DSG2: variants seen among roughly 807,000 people sequenced by gnomAD.
DSG2 encodes the protein desmoglein 2.
Under a neutral mutation model 75.6 loss-of-function variants are expected in DSG2, and 45 were observed. That is an observed-to-expected ratio of 0.60 (90% CI 0.47 to 0.76). DSG2 has a LOEUF of 0.76. DSG2 is among the 30% of genes least tolerant of loss of function. The pLI, the probability that DSG2 is intolerant of heterozygous loss-of-function variation, is 0.00. For synonymous variants in DSG2, 429 were observed against 483.9 expected (o/e 0.89, Z 1.49); for missense variants, 1,267 against 1,357.4 (o/e 0.93, Z 1.05).
chr18:31,521,162 A>G lies in DSG2; in HGVS notation c.442A>G (p.Lys148Glu), dbSNP rs1274448002. Reference protein sequence around the residue: ...NVEKPLELRIKVLDINDNEPV... With the variant: ...NVEKPLELRIEVLDINDNEPV... The stretch of plus-strand genomic sequence containing the variant: ...AGAGAAACCCTTAGAGCTACGCATT[A>G]AGGTTCTTGATATCAATGACAACGA... Residue 148 changes from lysine (K) to glutamate (E), a missense_variant, in exon 5 of 15, where the codon AAG (lysine) becomes GAG (glutamate). By Grantham distance (56) the Lys-to-Glu change is moderately conservative. Transcript: ENST00000261590. 2 of 1,613,990 alleles carry G rather than the reference A, an allele frequency of 1.2e-6. No individual in the cohort carries two copies. The highest frequency in any genetic ancestry group is 2.2e-5 in the South Asian group (2 of 91,076).
intron 8 of DSG2, among the ~76,000 whole-genome samples, chr18:31,528,387 T>C (rs193009905): frequency 4.6e-5 from 7 of 152,284 alleles, no homozygotes; most frequent in Non-Finnish European, 7.4e-5. Context: ...GAAGTACTGA[T>C]ACAAGCTACA....
In DSG2 at chr18:31,498,206, G is replaced by A; in HGVS notation, c.-46G>A. Reference sequence around the variant, plus strand: ...AGCCGAGTGCGCGCTCGGGGCAGGCGGCGGCGCGGAGCGGTGCGGCGGCGG... The same window carrying A: ...AGCCGAGTGCGCGCTCGGGGCAGGCAGCGGCGCGGAGCGGTGCGGCGGCGG... On this transcript the variant is annotated 5_prime_UTR_variant, in exon 1 of 15. Transcript: ENST00000261590. 8.1e-7 allele frequency: 1 copy of A among 1,235,348 alleles called. No homozygotes were observed. The highest frequency in any genetic ancestry group is 1.0e-6 in the Non-Finnish European group (1 of 986,522). 76.5% of individuals were successfully genotyped at this position (1,235,348 alleles called of 1,614,324 possible).
chr18:31,505,811 G>A (rs1274515862), intron 1 of DSG2, among the ~76,000 whole-genome samples: 4 of 151,774 alleles, frequency 2.6e-5, no homozygotes, highest in African/African-American at 9.7e-5. Context: ...ACAGGTGCAC[G>A]CCACCACGCC....
At chr18:31,545,208 A>AGTT (rs1173058999) in intron 14 of DSG2, among the ~76,000 whole-genome samples, 1 of 152,200 alleles carries the variant, frequency 6.6e-6, no homozygotes, top group Non-Finnish European at 1.5e-5. Flanking sequence ...GTAATTTCAA[A>AGTT]GTTATCAGAA....
intron 1 of DSG2, among the ~76,000 whole-genome samples, chr18:31,502,394 G>A (rs899582763): frequency 1.3e-5 from 2 of 152,166 alleles, no homozygotes; most frequent in Admixed American, 6.5e-5. Context: ...AAATTTACAT[G>A]GGAAAAATTA....
intron 5 of DSG2, 116 bp from the exon 6 acceptor site, chr18:31,521,967 T>G (rs1027231983): frequency 1.1e-6 from 1 of 895,188 alleles, no homozygotes. Flanking sequence ...CAACTGTATG[T>G]GATTTTGATA....
Position 31,542,515 on chromosome 18 carries a change from C to T in DSG2, c.2002-5C>T. On this transcript the variant is annotated splice_polypyrimidine_tract_variant and splice_region_variant and intron_variant, in intron 13 of 14. Coordinates refer to ENST00000261590, the MANE Select transcript of DSG2 (RefSeq NM_001943.5). The stretch of plus-strand genomic sequence containing the variant: ...CTCAGTTCTCAGCTGTGTTTGCTCT[C>T]ACAGGTGGTGCCATCATTTCTGCCA... 1.2e-6 allele frequency: 2 copies of T among 1,613,728 alleles called. No individual in the cohort carries two copies. Among genetic ancestry groups the T allele is most frequent in the South Asian group, 1.1e-5 (1 of 91,052 alleles).
chr18:31,523,343 G>A (rs527659047), intron 6 of DSG2, among the ~76,000 whole-genome samples: 1 of 152,278 alleles, frequency 6.6e-6, no homozygotes, highest in Admixed American at 6.5e-5. Context: ...AGAGCTTGCA[G>A]TGAGCTGAGA....
At chr18:31,537,405 G>T (rs968105763) in intron 11 of DSG2, among the ~76,000 whole-genome samples, 2 of 152,154 alleles carry the variant, frequency 1.3e-5, no homozygotes, top group Non-Finnish European at 2.9e-5. Context: ...GGATCATGAG[G>T]TCAGGAGATC....
Position 31,531,145 on chromosome 18 carries a change from C to A in DSG2, c.1173C>A (p.Ser391Arg), listed in dbSNP as rs763242004. Residue 391 changes from serine (S) to arginine (R), a missense_variant, in exon 9 of 15, where the codon AGC (serine) becomes AGA (arginine). Physicochemically the swap from Ser to Arg is moderately radical, Grantham distance 110. Transcript: ENST00000261590. ...AAGAAGGCATTCATTTTAAAAGCAG[C>A]GTCATCTCAATTTATGTTAGCGAGA... Reference protein sequence around the residue: ...NVKEGIHFKSSVISIYVSESM... With the variant: ...NVKEGIHFKSRVISIYVSESM... The A allele has an allele frequency of 2.5e-6, 4 of 1,614,090 alleles. No individual in the cohort carries two copies. Among genetic ancestry groups the A allele is most frequent in the African/African-American group, 1.3e-5 (1 of 75,034 alleles).
At chr18:31,506,349 A>G (rs1420842505) in intron 1 of DSG2, among the ~76,000 whole-genome samples, 1 of 152,264 alleles carries the variant, frequency 6.6e-6, no homozygotes, top group Non-Finnish European at 1.5e-5. Context: ...CAAGAAATGT[A>G]AATTAAGATT....
chr18:31,512,680 C>T (rs1297429909), intron 1 of DSG2, among the ~76,000 whole-genome samples: 4 of 152,228 alleles, frequency 2.6e-5, no homozygotes, highest in African/African-American at 9.6e-5. Flanking sequence ...ACCGCATGGC[C>T]TGGGCGTTCC....
At chr18:31,532,025 T>C (rs1471688550) in intron 9 of DSG2, among the ~76,000 whole-genome samples, 9 of 152,222 alleles carry the variant, frequency 5.9e-5, no homozygotes, top group Non-Finnish European at 1.3e-4. Flanking sequence ...AGACACAACT[T>C]TAGTGACTTC....
In DSG2 at chr18:31,522,181, C is replaced by T; in HGVS notation, c.622C>T (p.Pro208Ser). The change falls in exon 6 of 15, where the codon CCT (proline) becomes TCT (serine). Residue 208 changes from proline (P) to serine (S), a missense_variant. Pro to Ser is a moderately conservative substitution (Grantham distance 74). Coordinates refer to ENST00000261590, the MANE Select transcript of DSG2 (RefSeq NM_001943.5). ...YRIVSLEPAY[P>S]PVFYLNKDTG... ...AATCGTATCTCTGGAGCCTGCTTAT[C>T]CTCCAGTGTTCTACCTAAATAAAGA... The T allele has an allele frequency of 6.2e-7, 1 of 1,613,416 alleles. No homozygotes were observed. The highest frequency in any genetic ancestry group is 8.5e-7 in the Non-Finnish European group (1 of 1,179,436).
In DSG2 at chr18:31,542,526, C is replaced by T. The variant is rs1435285648; in HGVS notation, c.2008C>T (p.Pro670Ser). The T allele has an allele frequency of 2.5e-6, 4 of 1,613,820 alleles. No homozygotes were observed. In the African/African-American group the frequency reaches 4.0e-5, roughly 16 times the overall value. Residue 670 changes from proline to serine, a missense_variant, in exon 14 of 15, where the codon CCA becomes TCA. Pro to Ser is a moderately conservative substitution (Grantham distance 74). Transcript: ENST00000261590. ...GCTGTGTTTGCTCTCACAGGTGGTG[C>T]CATCATTTCTGCCAGTGGATCAAGG... is the stretch of plus-strand genomic sequence containing the variant. ...EGAPPEDKVV[P>S]SFLPVDQGGS...
intron 3 of DSG2, 37 bp downstream of exon 3, chr18:31,519,974 G>A: frequency 6.2e-7 from 1 of 1,613,710 alleles, no homozygotes. Context: ...ACATGCATAT[G>A]ACTAAAATGT....
At chr18:31,505,430 A>G (rs2073033860) in intron 1 of DSG2, among the ~76,000 whole-genome samples, 1 of 152,188 alleles carries the variant, frequency 6.6e-6, no homozygotes. Flanking sequence ...AAGGTTTCCT[A>G]CCTCATAGTA....
chr18:31,509,763 A>G (rs1028528883), intron 1 of DSG2, among the ~76,000 whole-genome samples: 5 of 152,218 alleles, frequency 3.3e-5, no homozygotes, highest in Admixed American at 6.5e-5. Context: ...TCTTCTGAAC[A>G]TGTACATTTC....
At chr18:31,509,956 G>T (rs573541580) in intron 1 of DSG2, among the ~76,000 whole-genome samples, 1 of 152,322 alleles carries the variant, frequency 6.6e-6, no homozygotes, top group African/African-American at 2.4e-5. Context: ...AAAGTTGAAA[G>T]CTCTTTAAGA....
Sources: allele counts gnomAD v4.1 joint callset (sites outside exome capture counted in the v4.1 genomes callset), GRCh38; gene constraint gnomAD v4.1.1; transcripts MANE v1.5; gene names NCBI Gene and HGNC (gene_info 2026-07-23, HGNC 2026-07-21).